Variants in SLC44A1 observed in about 807,000 individuals in gnomAD.
SLC44A1 encodes choline transporter-like protein 1.
SLC44A1 carries 26 observed loss-of-function variants against 79.3 expected under a neutral mutation model. The ratio of observed to expected loss-of-function variants is 0.33; its 90% CI spans 0.24 to 0.46. The LOEUF is 0.46. Among genes scored for constraint, SLC44A1 ranks in the 20% least tolerant of loss-of-function variants. SLC44A1 has a pLI of 1.00. For synonymous variants in SLC44A1, 263 were observed against 286.2 expected, an observed-to-expected ratio of 0.92 and a Z score of 0.82; for missense variants, 688 against 798.1, an observed-to-expected ratio of 0.86 and a Z score of 1.66.
intron 4 of SLC44A1, among the ~76,000 whole-genome samples, chr9:105,339,742 G>A (rs1020857596): frequency 2.0e-5 from 3 of 152,044 alleles, no homozygotes; most frequent in South Asian, 2.1e-4. Flanking sequence ...CAGGAGGATC[G>A]CTTGAGCCCA....
intron 15 of SLC44A1, among the ~76,000 whole-genome samples, chr9:105,409,494 C>T (rs564488072): frequency 4.0e-4 from 61 of 152,236 alleles, no homozygotes; most frequent in Non-Finnish European, 6.8e-4. Context: ...AGACCAGCCT[C>T]AGCAACAAAA....
At position 105,392,840 on chromosome 9, in the gene SLC44A1, T is replaced by C. The variant is rs901736733; in HGVS notation, c.*3784T>C. 6.1e-6 allele frequency: 6 copies of C among 985,310 alleles called. No homozygotes were observed. Among genetic ancestry groups the C allele is most frequent in the African/African-American group, 3.5e-5 (2 of 57,232 alleles). The allele number at this position is 985,310 out of a possible 1,614,324, so 61.0% of individuals were successfully genotyped here. A position where few individuals can be genotyped will look rare whatever the true frequency, so the allele number is the denominator to read the frequency against. On this transcript the variant is annotated 3_prime_UTR_variant, in exon 16 of 16. Transcript: ENST00000374720. ...TGATTTTTGGTCAGTAACCTTGTCA[T>C]TTAAATTGGACTTTCCAATAGCCTT...
chr9:105,349,610 A>T (rs193289994), intron 5 of SLC44A1, among the ~76,000 whole-genome samples: 1 of 152,276 alleles, frequency 6.6e-6, no homozygotes, highest in Non-Finnish European at 1.5e-5. Flanking sequence ...CATTCATATA[A>T]ATTGAGAATA....
At chr9:105,301,314 A>G (rs980549419) in intron 2 of SLC44A1, among the ~76,000 whole-genome samples, 18 of 152,216 alleles carry the variant, frequency 1.2e-4, no homozygotes, top group Admixed American at 3.3e-4. Context: ...TTTTAATGCA[A>G]TGGTAATTAA....
In SLC44A1 at chr9:105,346,854, A is replaced by T. The variant is rs941523021; in HGVS notation, c.407-1504A>T. ...CTTAAAAAGCTTGAAGAACAGTGCC[A>T]TGTAACTTGTAATTATCGCTTTAAA... On this transcript the variant is annotated intron_variant, in intron 4 of 15. Transcript: ENST00000374720. 2.0e-5 allele frequency among the ~76,000 whole-genome samples: 3 copies of T among 152,254 alleles called. No homozygotes were observed. The East Asian group carries it at 5.8e-4, about 29-fold the overall frequency.
chr9:105,306,561 C>A (rs560795213), intron 2 of SLC44A1, among the ~76,000 whole-genome samples: 2 of 108,050 alleles, frequency 1.9e-5, no homozygotes, highest in African/African-American at 3.6e-5. Flanking sequence ...GCCCACCCCC[C>A]ACCCCTGGCA....
At chr9:105,407,177 A>G (rs1829039379) in intron 15 of SLC44A1, among the ~76,000 whole-genome samples, 1 of 152,210 alleles carries the variant, frequency 6.6e-6, no homozygotes, top group East Asian at 1.9e-4. Context: ...GGAGTCCCAG[A>G]AAGAGAAGAG....
chr9:105,344,525 C>T (rs1024181069), intron 4 of SLC44A1, among the ~76,000 whole-genome samples: 9 of 152,000 alleles, frequency 5.9e-5, no homozygotes, highest in Non-Finnish European at 1.3e-4. Flanking sequence ...GTCGTAATAC[C>T]AAGATTGAGG....
chr9:105,427,338 A>C (rs1192522298), intron 15 of SLC44A1, among the ~76,000 whole-genome samples: 6 of 152,242 alleles, frequency 3.9e-5, no homozygotes, highest in African/African-American at 7.2e-5. Context: ...ACTATATTCT[A>C]TTCAATAATT....
chr9:105,394,172 G>C lies in SLC44A1; in HGVS notation c.*5116G>C, dbSNP rs1485724780. ...GGGGCTAATGAACCCAAGTCAAAAG[G>C]CTGCTCTAAAGTTGTTCTGATAATG... On this transcript the variant is annotated 3_prime_UTR_variant, in exon 16 of 16. Coordinates refer to ENST00000374720, the MANE Select transcript of SLC44A1 (RefSeq NM_080546.5). The C allele has an allele frequency of 6.1e-6, 6 of 985,246 alleles. No homozygotes were observed. The highest frequency in any genetic ancestry group is 6.2e-5 in the Admixed American group (1 of 16,260). The allele number at this position is 985,246 out of a possible 1,614,324, so 61.0% of individuals were successfully genotyped here.
At chr9:105,256,965 T>C (rs1829723750) in intron 1 of SLC44A1, among the ~76,000 whole-genome samples, 1 of 151,690 alleles carries the variant, frequency 6.6e-6, no homozygotes, top group Non-Finnish European at 1.5e-5. Context: ...TTTTGTATTT[T>C]AGTAGAGGTG....
rs528579229 is a variant in SLC44A1, at chr9:105,333,612, C to A, written c.270-1951C>A. Among the ~76,000 whole-genome samples, 5 of 152,202 alleles carry A rather than the reference C, an allele frequency of 3.3e-5. No homozygotes were observed. In the East Asian group the frequency reaches 9.7e-4, roughly 29 times the overall value. On this transcript the variant is annotated intron_variant, in intron 3 of 15. Transcript: ENST00000374720. ...ATCACCTGAGGTCAGGAGTTCAAGA[C>A]CAGCCTGGCCAACATGGTGAAACCC...
intron 15 of SLC44A1, among the ~76,000 whole-genome samples, chr9:105,425,896 T>C (rs1484851292): frequency 6.6e-6 from 1 of 152,168 alleles, no homozygotes; most frequent in Non-Finnish European, 1.5e-5. Flanking sequence ...GGAAAGATGG[T>C]CACTGGGACT....
intron 15 of SLC44A1, among the ~76,000 whole-genome samples, chr9:105,428,704 A>G (rs1047525855): frequency 6.6e-6 from 1 of 151,906 alleles, no homozygotes; most frequent in Admixed American, 6.6e-5. Flanking sequence ...AGTTATTCAT[A>G]ACTTTTTTTT....
intron 3 of SLC44A1, among the ~76,000 whole-genome samples, chr9:105,323,946 A>G (rs1325971658): frequency 1.3e-5 from 2 of 152,130 alleles, no homozygotes; most frequent in African/African-American, 2.4e-5. Flanking sequence ...CACTGCAGCC[A>G]TTCTTCGACC....
chr9:105,437,750 G>A (rs376099471), intron 15 of SLC44A1, among the ~76,000 whole-genome samples: 39 of 152,298 alleles, frequency 2.6e-4, no homozygotes, highest in African/African-American at 8.4e-4. Context: ...AATTACAGGA[G>A]TGAAAAATTC....
chr9:105,351,989 A>G (rs1484163758), intron 5 of SLC44A1, among the ~76,000 whole-genome samples: 2 of 152,220 alleles, frequency 1.3e-5, no homozygotes, highest in African/African-American at 4.8e-5. Flanking sequence ...GGCCGGGCAC[A>G]GTGGCTCATG....
In SLC44A1 at chr9:105,383,133, T is replaced by C. The variant is rs1366209056; in HGVS notation, c.1643T>C (p.Val548Ala). Residue 548 changes from valine to alanine, a missense_variant, in exon 14 of 16, where the codon GTC (valine) becomes GCC (alanine). By Grantham distance (64) the Val-to-Ala change is moderately conservative. Coordinates refer to ENST00000374720, the MANE Select transcript of SLC44A1 (RefSeq NM_080546.5). ...FMLFLGKVLI[V>A]CSTGLAGIML... ...TTCTCTCTGCTTCAGGTGCTGATAG[T>C]CTGCAGCACAGGTTTAGCTGGGATT... The C allele has an allele frequency of 1.2e-6, 2 of 1,608,764 alleles. No individual in the cohort carries two copies. Among genetic ancestry groups the C allele is most frequent in the South Asian group, 2.2e-5 (2 of 90,982 alleles).
intron 1 of SLC44A1, among the ~76,000 whole-genome samples, chr9:105,293,942 T>G (rs1830660972): frequency 6.6e-6 from 1 of 152,192 alleles, no homozygotes; most frequent in Non-Finnish European, 1.5e-5. Context: ...CCATGGAAGC[T>G]AAAAAATTAG....
Sources: gnomAD v4.1 joint callset for allele counts (sites outside exome capture counted in the v4.1 genomes callset) on GRCh38, gnomAD v4.1.1 for gene constraint, MANE v1.5 for transcripts, NCBI Gene and HGNC (gene_info 2026-07-23, HGNC 2026-07-21) for gene names.